The following RYK variants were observed in gnomAD, a reference collection of about 807,000 sequenced individuals.
The protein encoded by RYK is receptor like tyrosine kinase, also known as inactive tyrosine-protein kinase RYK.
A neutral mutation model predicts 70.2 loss-of-function variants in RYK; 21 were observed. The observed-to-expected ratio is 0.30, with a 90% confidence interval of 0.21 to 0.43. The LOEUF is 0.43. Among genes scored for constraint, RYK ranks in the 20% least tolerant of loss-of-function variants. The pLI, the probability that RYK is intolerant of heterozygous loss-of-function variation, is 1.00. For synonymous variants in RYK, 267 were observed against 278.0 expected (o/e 0.96, Z 0.39); for missense variants, 604 against 753.3 (o/e 0.80, Z 2.32).
chr3:134,234,115 T>G (rs1315900324), intron 1 of RYK, among the ~76,000 whole-genome samples: 2 of 152,108 alleles, frequency 1.3e-5, no homozygotes, highest in Non-Finnish European at 2.9e-5. Flanking sequence ...AAAGTTAAGC[T>G]GGAAAAACAA....
At chr3:134,207,571 A>G in intron 4 of RYK, 46 bp from the exon 5 acceptor site, 1 of 1,277,906 alleles carries the variant, frequency 7.8e-7, no homozygotes, top group Non-Finnish European at 1.1e-6. Context: ...TCTCTTTTCC[A>G]TGAAAATCCT....
chr3:134,165,292 T>C (rs184074406), intron 13 of RYK, among the ~76,000 whole-genome samples: 1 of 152,380 alleles, frequency 6.6e-6, no homozygotes, highest in African/African-American at 2.4e-5. Context: ...TACTGAATTT[T>C]CTACATAAAT....
At chr3:134,187,527 G>T (rs2013503389) in intron 9 of RYK, among the ~76,000 whole-genome samples, 1 of 151,956 alleles carries the variant, frequency 6.6e-6, no homozygotes, top group Non-Finnish European at 1.5e-5. Flanking sequence ...CTCTAGATAA[G>T]CAAATAAGAC....
intron 2 of RYK, among the ~76,000 whole-genome samples, chr3:134,216,843 C>T (rs2014569293): frequency 8.1e-6 from 1 of 123,630 alleles, no homozygotes; most frequent in Non-Finnish European, 1.7e-5. Flanking sequence ...TTAACAGACA[C>T]AGTTACATGT....
intron 9 of RYK, 81 bp downstream of exon 9, chr3:134,188,756 G>A: frequency 1.2e-6 from 1 of 815,168 alleles, no homozygotes; most frequent in Non-Finnish European, 2.0e-6. Context: ...CACACATTGG[G>A]AAACTGAGAC....
At position 134,249,709 on chromosome 3, in the gene RYK, T is replaced by C. The variant is rs182734522; in HGVS notation, c.232+714A>G. On this transcript the variant is annotated intron_variant, in intron 1 of 14. Coordinates refer to ENST00000623711, the MANE Select transcript of RYK (RefSeq NM_002958.4). ...TTCAAGATACTCAAAAGTAGGAGAG[T>C]GGCCCAGAAGTACAGAGTCAGTCCA... Among the ~76,000 whole-genome samples the C allele has an allele frequency of 5.8e-4, 88 of 151,830 alleles. 1 individual carries two copies. The highest frequency in any genetic ancestry group is 5.3e-4 in the Non-Finnish European group (36 of 67,950).
At chr3:134,184,409 C>T (rs1022635445) in intron 9 of RYK, among the ~76,000 whole-genome samples, 8 of 152,048 alleles carry the variant, frequency 5.3e-5, no homozygotes, top group East Asian at 3.9e-4. Context: ...ATAGGGACCA[C>T]GACCTTAACA....
At chr3:134,194,087 T>C (rs971043687) in intron 7 of RYK, among the ~76,000 whole-genome samples, 2 of 152,208 alleles carry the variant, frequency 1.3e-5, no homozygotes, top group Admixed American at 6.5e-5. Context: ...AATCAACTAT[T>C]TTATCAGGAG....
At chr3:134,197,395 A>T (rs2013849889) in intron 6 of RYK, among the ~76,000 whole-genome samples, 1 of 152,240 alleles carries the variant, frequency 6.6e-6, no homozygotes, top group Non-Finnish European at 1.5e-5. Flanking sequence ...CCGTGGACAG[A>T]GTGTGCATAA....
Position 134,191,872 on chromosome 3 carries a change from G to C in RYK, c.992C>G (p.Thr331Ser). The C allele has an allele frequency of 6.2e-7, 1 of 1,611,282 alleles. No homozygotes were observed. Among genetic ancestry groups the C allele is most frequent in the Non-Finnish European group, 8.5e-7 (1 of 1,178,600 alleles). The change falls in exon 8 of 15, where the codon ACT becomes AGT. Residue 331 changes from threonine (T) to serine (S), a missense_variant. Thr to Ser is a moderately conservative substitution (Grantham distance 58). Around this residue, in one of 2 missense-constraint regions of RYK, gnomAD observed 466 missense variants for 535.9 expected, o/e 0.87. Coordinates refer to ENST00000623711, the MANE Select transcript of RYK (RefSeq NM_002958.4). ...KDIAISRERITLKDVLQEGTF... is the reference protein window; with the variant it reads ...KDIAISRERISLKDVLQEGTF... ...ACCTTCTTGGAGTACATCTTTTAGA[G>C]TTATCCTCTCTCTGGATATTGCTAT...
At chr3:134,203,046 G>C (rs547036202) in intron 5 of RYK, among the ~76,000 whole-genome samples, 172 bp from the exon 6 acceptor site, 1 of 152,150 alleles carries the variant, frequency 6.6e-6, no homozygotes, top group East Asian at 1.9e-4. Flanking sequence ...TTTTGTTGTA[G>C]TTTAAAAAAA....
chr3:134,205,800 A>G (rs2014195804), intron 5 of RYK, among the ~76,000 whole-genome samples: 1 of 152,124 alleles, frequency 6.6e-6, no homozygotes, highest in East Asian at 1.9e-4. Context: ...ATCATTGCCT[A>G]TATTGCCTCG....
At chr3:134,158,319 T>C (rs1000400882) in intron 14 of RYK, 55 bp from the exon 15 acceptor site, 87 of 1,143,364 alleles carry the variant, frequency 7.6e-5, no homozygotes, top group Non-Finnish European at 1.0e-4. Context: ...TATTCATAAC[T>C]TTTGCTCAGT....
chr3:134,170,287 T>C (rs1576502859), intron 13 of RYK, among the ~76,000 whole-genome samples: 2 of 152,356 alleles, frequency 1.3e-5, no homozygotes, highest in South Asian at 2.1e-4. Context: ...TAACATCACA[T>C]GCTAAGTATA....
intron 4 of RYK, 86 bp from the exon 5 acceptor site, chr3:134,207,611 G>GTTCCAGC: frequency 1.2e-6 from 1 of 848,904 alleles, no homozygotes; most frequent in Non-Finnish European, 1.8e-6. Context: ...AACATTGCTG[G>GTTCCAGC]AACTCAGCAA....
chr3:134,195,021 C>G (rs2013768382), intron 7 of RYK, 61 bp downstream of exon 7: 1 of 1,161,430 alleles, frequency 8.6e-7, no homozygotes, highest in African/African-American at 1.5e-5. Flanking sequence ...CCATGCAAGA[C>G]CACTGGGAAG....
chr3:134,207,473 A>G lies in RYK; in HGVS notation c.642T>C (p.Ile214=). 2 of 1,531,740 alleles carry G rather than the reference A, an allele frequency of 1.3e-6. No homozygotes were observed. Among genetic ancestry groups the G allele is most frequent in the South Asian group, 2.5e-5 (2 of 80,994 alleles). 94.9% of individuals were successfully genotyped at this position (1,531,740 alleles called of 1,614,324 possible). The change falls in exon 5 of 15, where the codon ATT becomes ATC. Residue 214 remains isoleucine (I), a splice_region_variant and synonymous_variant. Transcript: ENST00000623711. ...SALDKNTSRT[I]YDPVHAAPTT... is the part of the protein sequence containing the mutation. ...TAAAGATAATACAGTAACACTTACAAATAGTTCTGCTAGTGTTTTTGTCCA... is the reference window on the plus strand; with the variant it reads ...TAAAGATAATACAGTAACACTTACAGATAGTTCTGCTAGTGTTTTTGTCCA...
chr3:134,191,582 C>T (rs1186426583), intron 8 of RYK, among the ~76,000 whole-genome samples: 3 of 152,132 alleles, frequency 2.0e-5, no homozygotes, highest in African/African-American at 7.2e-5. Context: ...TAAATAAAAA[C>T]CAAACAGAGA....
intron 6 of RYK, among the ~76,000 whole-genome samples, chr3:134,195,945 C>CAA (rs146683719): frequency 7.0e-6 from 1 of 142,530 alleles, no homozygotes; most frequent in Non-Finnish European, 1.5e-5. Flanking sequence ...CAGTCCATCT[C>CAA]AAAAAAAAAA....
Sources: gnomAD v4.1 joint callset for allele counts (sites outside exome capture counted in the v4.1 genomes callset) on GRCh38, gnomAD v4.1.1 for gene constraint, gnomAD v4.1.1 regional missense constraint, MANE v1.5 for transcripts, NCBI Gene and HGNC (gene_info 2026-07-23, HGNC 2026-07-21) for gene names.